CNEP1R1: variants seen among roughly 807,000 people sequenced by gnomAD.
The protein encoded by CNEP1R1 is nuclear envelope phosphatase-regulatory subunit 1.
A neutral mutation model predicts 22.7 loss-of-function variants in CNEP1R1; 10 were observed. That is an observed-to-expected ratio of 0.44 (90% CI 0.27 to 0.75). The LOEUF is 0.75. Among genes scored for constraint, CNEP1R1 ranks in the 30% least tolerant of loss-of-function variants. CNEP1R1 has a pLI of 0.17. For missense variants in CNEP1R1, 73 were observed against 151.5 expected, an observed-to-expected ratio of 0.48 and a Z score of 2.72; for synonymous variants, 53 against 50.1, an observed-to-expected ratio of 1.06 and a Z score of -0.25.
Position 50,035,554 on chromosome 16 carries a change from G to A in CNEP1R1, c.*96G>A. ...AAGGATTCCTTTTGCGGTTGGATAT[G>A]TAAAGGTCATAGCAGCAACTGACAA... On this transcript the variant is annotated 3_prime_UTR_variant, in exon 6 of 6. Transcript: ENST00000427478. The A allele has an allele frequency of 1.1e-6, 1 of 874,360 alleles. No individual in the cohort carries two copies. The highest frequency in any genetic ancestry group is 1.8e-6 in the Non-Finnish European group (1 of 548,408). 54.2% of individuals were successfully genotyped at this position (874,360 alleles called of 1,614,324 possible).
Position 50,025,510 on chromosome 16 carries a change from G to A in CNEP1R1, c.25+170G>A, listed in dbSNP as rs1393804133. ...GGCCGTACCTGGCCAGACGCGGGGG[G>A]CGGTGCCTCAGCTCCCTGAGTCCCC... On this transcript the variant is annotated intron_variant, in intron 1 of 5. Transcript: ENST00000427478. 3.5e-5 allele frequency: 37 copies of A among 1,072,382 alleles called. No individual in the cohort carries two copies. The South Asian group carries it at 4.4e-4, about 13-fold the overall frequency. The allele number at this position is 1,072,382 out of a possible 1,614,324, so 66.4% of individuals were successfully genotyped here.
At position 50,034,126 on chromosome 16, in the gene CNEP1R1, A is replaced by G. The variant is rs773284145; in HGVS notation, c.306A>G (p.Val102=). Residue 102 remains valine (V), a synonymous_variant, in exon 5 of 6, where the codon GTA becomes GTG. Coordinates refer to ENST00000427478, the MANE Select transcript of CNEP1R1 (RefSeq NM_001281789.2). ...PSIIAARCRT[V]LAEYNMSCDD... is the part of the protein sequence containing the mutation. ...GTATAGCTGCTCGATGTCGAACGGT[A>G]TTAGCAGAATACAATATGTCTTGTG... The G allele has an allele frequency of 3.1e-6, 5 of 1,593,032 alleles. No homozygotes were observed. Among genetic ancestry groups the G allele is most frequent in the Middle Eastern group, 1.7e-4 (1 of 6,032 alleles).
At chr16:50,035,357 A>G in intron 5 of CNEP1R1, 60 bp from the exon 6 acceptor site, 1 of 907,378 alleles carries the variant, frequency 1.1e-6, no homozygotes, top group Non-Finnish European at 1.8e-6. Flanking sequence ...TTTATAAATA[A>G]GCAGTGGTAT....
In CNEP1R1 at chr16:50,035,109, T is replaced by C. The variant is rs556467756; in HGVS notation, c.337-308T>C. On this transcript the variant is annotated intron_variant, in intron 5 of 5. Coordinates refer to ENST00000427478, the MANE Select transcript of CNEP1R1 (RefSeq NM_001281789.2). Reference sequence around the variant, plus strand: ...GTTCACACCTGTAATCCCAGCACTTTGGGAGGCCAAGGCAGGAGGATTGCT... The same window carrying C: ...GTTCACACCTGTAATCCCAGCACTTCGGGAGGCCAAGGCAGGAGGATTGCT... Among the ~76,000 whole-genome samples, 14 of 152,268 alleles carry C rather than the reference T, an allele frequency of 9.2e-5. No individual in the cohort carries two copies. In the South Asian group the frequency reaches 2.3e-3, roughly 25 times the overall value.
In CNEP1R1 at chr16:50,033,388, C is replaced by T. The variant is rs2036247976; in HGVS notation, c.172-9C>T. 1.4e-6 allele frequency: 2 copies of T among 1,456,336 alleles called. No homozygotes were observed. Among genetic ancestry groups the T allele is most frequent in the Non-Finnish European group, 1.9e-6 (2 of 1,043,418 alleles). 90.2% of individuals were successfully genotyped at this position (1,456,336 alleles called of 1,614,324 possible). On this transcript the variant is annotated splice_polypyrimidine_tract_variant and intron_variant, in intron 3 of 5. Coordinates refer to ENST00000427478, the MANE Select transcript of CNEP1R1 (RefSeq NM_001281789.2). ...TAACATTTTTATATTTTCATCTCTT[C>T]TTTTACAGGTGTCCTTCTTCACATC...
At chr16:50,033,287 A>G in intron 3 of CNEP1R1, 110 bp from the exon 4 acceptor site, 1 of 474,732 alleles carries the variant, frequency 2.1e-6, no homozygotes, top group Non-Finnish European at 3.7e-6. Context: ...TCAAATCCTC[A>G]TGGTTTATAT....
At chr16:50,026,084 A>G in intron 1 of CNEP1R1, 1 of 416,940 alleles carries the variant, frequency 2.4e-6, no homozygotes, top group Non-Finnish European at 4.3e-6. Flanking sequence ...GCAACCCTGA[A>G]AATGTTCGCT....
intron 3 of CNEP1R1, among the ~76,000 whole-genome samples, chr16:50,030,348 C>T (rs2036221044): frequency 6.6e-6 from 1 of 152,072 alleles, no homozygotes; most frequent in South Asian, 2.1e-4. Context: ...GTGGGAGGAT[C>T]ACTTGAGCTC....
Position 50,025,301 on chromosome 16 carries a change from G to A in CNEP1R1, c.-15G>A. 1 of 1,428,338 alleles carries A rather than the reference G, an allele frequency of 7.0e-7. No individual in the cohort carries two copies. Among genetic ancestry groups the A allele is most frequent in the South Asian group, 1.5e-5 (1 of 67,338 alleles). The allele number at this position is 1,428,338 out of a possible 1,614,324, so 88.5% of individuals were successfully genotyped here. A position where few individuals can be genotyped will look rare whatever the true frequency, so the allele number is the denominator to read the frequency against. ...GCGGACAGGGCAGCGGCGGTGACCC[G>A]AGCTGCCGCCCGACATGAACTCGCT... is the stretch of plus-strand genomic sequence containing the variant. On this transcript the variant is annotated 5_prime_UTR_variant, in exon 1 of 6. Transcript: ENST00000427478.
chr16:50,028,696 A>G (rs563998474), intron 2 of CNEP1R1, among the ~76,000 whole-genome samples: 1 of 152,314 alleles, frequency 6.6e-6, no homozygotes, highest in East Asian at 1.9e-4. Context: ...CAAATAAAGC[A>G]TGTGTATGAG....
chr16:50,026,656 G>A (rs996182362), intron 2 of CNEP1R1, 189 bp downstream of exon 2: 1 of 563,358 alleles, frequency 1.8e-6, no homozygotes, highest in Non-Finnish European at 3.1e-6. Flanking sequence ...TATTTCGTGT[G>A]GTTGTTTTTG....
chr16:50,034,063 CTT>C, intron 4 of CNEP1R1, 37 bp from the exon 5 acceptor site: 2 of 1,535,656 alleles, frequency 1.3e-6, no homozygotes, highest in South Asian at 2.4e-5. Context: ...AAAGCATACT[CTT>C]GAAATGAGAA....
chr16:50,035,254 C>A (rs2036265607), intron 5 of CNEP1R1, among the ~76,000 whole-genome samples, 163 bp from the exon 6 acceptor site: 2 of 152,170 alleles, frequency 1.3e-5, no homozygotes, highest in South Asian at 4.1e-4. Context: ...CAGAAGGAAG[C>A]TCCACACAAA....
intron 2 of CNEP1R1, among the ~76,000 whole-genome samples, chr16:50,029,158 C>A (rs2036211236): frequency 6.6e-6 from 1 of 152,088 alleles, no homozygotes; most frequent in Admixed American, 6.5e-5. Context: ...GAGAGAAAGA[C>A]CTTTTCTAAG....
chr16:50,025,596 A>G (rs2036174187), intron 1 of CNEP1R1: 11 of 1,479,148 alleles, frequency 7.4e-6, no homozygotes, highest in Non-Finnish European at 1.0e-5. Context: ...TCACTGGCAG[A>G]CACTTGCACT....
chr16:50,030,383 A>G (rs2036221297), intron 3 of CNEP1R1, among the ~76,000 whole-genome samples: 1 of 152,304 alleles, frequency 6.6e-6, no homozygotes, highest in African/African-American at 2.4e-5. Flanking sequence ...GCAGTGAGCT[A>G]TGATTGTGCC....
chr16:50,025,598 A>C, intron 1 of CNEP1R1: 2 of 1,485,056 alleles, frequency 1.3e-6, no homozygotes, highest in East Asian at 2.3e-5. Flanking sequence ...ACTGGCAGAC[A>C]CTTGCACTTC....
intron 1 of CNEP1R1, 51 bp downstream of exon 1, chr16:50,025,391 G>T (rs2036170768): frequency 1.4e-6 from 2 of 1,417,830 alleles, no homozygotes; most frequent in East Asian, 5.2e-5. Flanking sequence ...GAAGCTGGCG[G>T]TGCTCCGGAG....
Position 50,035,531 on chromosome 16 carries a change from G to A in CNEP1R1, c.*73G>A. 1 of 1,170,416 alleles carries A rather than the reference G, an allele frequency of 8.5e-7. No individual in the cohort carries two copies. The highest frequency in any genetic ancestry group is 1.2e-6 in the Non-Finnish European group (1 of 808,782). The allele number at this position is 1,170,416 out of a possible 1,614,324, so 72.5% of individuals were successfully genotyped here. ...AAGTGATACAGCAAAAAGCCATAAA[G>A]GATTCCTTTTGCGGTTGGATATGTA... On this transcript the variant is annotated 3_prime_UTR_variant, in exon 6 of 6. Transcript: ENST00000427478.
Sources: gnomAD v4.1 joint callset for allele counts (sites outside exome capture counted in the v4.1 genomes callset) on GRCh38, gnomAD v4.1.1 for gene constraint, MANE v1.5 for transcripts, NCBI Gene and HGNC (gene_info 2026-07-23, HGNC 2026-07-21) for gene names.